MMS22L: variants seen among roughly 807,000 people sequenced by gnomAD.
MMS22L encodes the protein protein MMS22-like.
MMS22L carries 74 observed loss-of-function variants against 159.1 expected under a neutral mutation model. The ratio of observed to expected loss-of-function variants is 0.47; its 90% CI spans 0.39 to 0.56. The LOEUF is 0.56. Ranked by LOEUF, MMS22L falls within the 20% of genes least tolerant of loss-of-function variation. MMS22L has a pLI of 0.00. For missense variants in MMS22L, 1,351 were observed against 1,422.1 expected (o/e 0.95, Z 0.80); for synonymous variants, 517 against 506.9 (o/e 1.02, Z -0.27).
chr6:97,175,580 TA>T (rs1463912434), intron 18 of MMS22L, among the ~76,000 whole-genome samples: 1 of 152,154 alleles, frequency 6.6e-6, no homozygotes, highest in African/African-American at 2.4e-5. Context: ...GAATGCTTTT[TA>T]AAAAGCCTAT....
intron 12 of MMS22L, among the ~76,000 whole-genome samples, chr6:97,232,368 G>T (rs971835209): frequency 4.6e-5 from 7 of 151,884 alleles, no homozygotes; most frequent in Admixed American, 6.6e-5. Context: ...ATTCTATCAC[G>T]TTTTCTTAAT....
intron 4 of MMS22L, 75 bp downstream of exon 4, chr6:97,278,774 A>T: frequency 8.6e-7 from 1 of 1,163,856 alleles, no homozygotes; most frequent in Admixed American, 2.1e-5. Flanking sequence ...TGCCAATTAT[A>T]CCATCATGGA....
intron 8 of MMS22L, 48 bp downstream of exon 8, chr6:97,267,824 C>G: frequency 6.7e-7 from 1 of 1,497,604 alleles, no homozygotes; most frequent in Non-Finnish European, 8.9e-7. Context: ...GCATTAAGGA[C>G]TGAATACTGT....
intron 14 of MMS22L, among the ~76,000 whole-genome samples, chr6:97,200,208 GAAT>G (rs981286655): frequency 4.6e-4 from 70 of 152,152 alleles, no homozygotes; most frequent in African/African-American, 1.7e-3. Context: ...AGCTCGTTTA[GAAT>G]AATATCATAT....
At chr6:97,215,696 A>G (rs1808934625) in intron 14 of MMS22L, among the ~76,000 whole-genome samples, 1 of 152,118 alleles carries the variant, frequency 6.6e-6, no homozygotes, top group Non-Finnish European at 1.5e-5. Flanking sequence ...AAAATCATTC[A>G]TCTTCCACCC....
chr6:97,241,639 G>A (rs1392355059), intron 11 of MMS22L, among the ~76,000 whole-genome samples: 1 of 152,024 alleles, frequency 6.6e-6, no homozygotes, highest in Non-Finnish European at 1.5e-5. Context: ...CCCACTTATG[G>A]ATGGGATTTG....
chr6:97,220,511 A>G (rs1809516274), intron 14 of MMS22L, among the ~76,000 whole-genome samples: 3 of 152,188 alleles, frequency 2.0e-5, no homozygotes, highest in African/African-American at 7.2e-5. Context: ...TTATATGTCA[A>G]TAAAGCCATT....
At chr6:97,157,678 C>A (rs911202827) in intron 22 of MMS22L, among the ~76,000 whole-genome samples, 1 of 152,150 alleles carries the variant, frequency 6.6e-6, no homozygotes, top group Non-Finnish European at 1.5e-5. Flanking sequence ...CCGACTTGAT[C>A]GTGGTGGATA....
intron 2 of MMS22L, among the ~76,000 whole-genome samples, chr6:97,281,770 G>C (rs1350273040): frequency 6.6e-6 from 1 of 152,130 alleles, no homozygotes; most frequent in Non-Finnish European, 1.5e-5. Flanking sequence ...TTTCTAACAA[G>C]GTACAACTAT....
chr6:97,168,191 T>G lies in MMS22L; in HGVS notation c.2889A>C (p.Gln963His). 1 of 1,613,192 alleles carries G rather than the reference T, an allele frequency of 6.2e-7. No individual in the cohort carries two copies. The highest frequency in any genetic ancestry group is 8.5e-7 in the Non-Finnish European group (1 of 1,179,416). ...AATCTATGATCCGGAATAGTAATTTTTGGGCTTTAGAAGTGGCAAAGATTT... is the reference window on the plus strand; with the variant it reads ...AATCTATGATCCGGAATAGTAATTTGTGGGCTTTAGAAGTGGCAAAGATTT... ...WAQIFATSKA[Q>H]KLLFRIIDCL... Residue 963 changes from glutamine to histidine, a missense_variant, in exon 20 of 25, where the codon CAA becomes CAC. Gln to His is a conservative substitution (Grantham distance 24). Coordinates refer to ENST00000683635, the MANE Select transcript of MMS22L (RefSeq NM_001350599.2).
chr6:97,249,725 A>ATTTTT (rs66525517), intron 10 of MMS22L, among the ~76,000 whole-genome samples: 1 of 130,386 alleles, frequency 7.7e-6, no homozygotes, highest in African/African-American at 2.9e-5. Flanking sequence ...CCAATAACCA[A>ATTTTT]TTTTTTTTTT....
At chr6:97,231,169 A>C (rs1810822336) in intron 13 of MMS22L, 1 of 390,394 alleles carries the variant, frequency 2.6e-6, no homozygotes, top group African/African-American at 2.0e-5. Flanking sequence ...AAAAAACAAA[A>C]CAAACCAAAA....
Position 97,282,438 on chromosome 6 carries a change from TGTCA to T in MMS22L, c.36_39del (p.Asp13AlafsTer2), listed in dbSNP as rs765563049. On this transcript the variant is annotated frameshift_variant, in exon 2 of 25. Coordinates refer to ENST00000683635, the MANE Select transcript of MMS22L (RefSeq NM_001350599.2). LOFTEE classifies it high-confidence loss of function. ...TCCGTCCCCAGCTCCAGCTCTAAGC[TGTCA>T]GTCAGGAACGTCGATGCAGCAGAAC... The T allele has an allele frequency of 6.2e-7, 1 of 1,613,968 alleles. No homozygotes were observed. The highest frequency in any genetic ancestry group is 1.1e-5 in the South Asian group (1 of 91,074).
chr6:97,177,574 T>C (rs780316118), intron 18 of MMS22L, among the ~76,000 whole-genome samples: 1 of 152,176 alleles, frequency 6.6e-6, no homozygotes, highest in Admixed American at 6.5e-5. Context: ...TTATAGCTCC[T>C]AGCACACCAC....
At chr6:97,199,521 C>A (rs1028294930) in intron 14 of MMS22L, among the ~76,000 whole-genome samples, 9 of 152,054 alleles carry the variant, frequency 5.9e-5, no homozygotes, top group African/African-American at 9.7e-5. Flanking sequence ...ATAGCTAATG[C>A]ACTGGAAAAG....
chr6:97,267,428 C>T (rs948077230), intron 8 of MMS22L: 1 of 151,758 alleles, frequency 6.6e-6, no homozygotes, highest in Non-Finnish European at 1.5e-5. Flanking sequence ...TACCCAGATT[C>T]GAGACCTTTT....
intron 24 of MMS22L, 90 bp downstream of exon 24, chr6:97,149,763 G>T: frequency 7.7e-7 from 1 of 1,293,640 alleles, no homozygotes; most frequent in Non-Finnish European, 1.0e-6. Flanking sequence ...CCCAAATTTT[G>T]GGGAATAAGA....
chr6:97,245,561 C>CA (rs544680305), intron 11 of MMS22L, among the ~76,000 whole-genome samples: 101 of 151,282 alleles, frequency 6.7e-4, no homozygotes, highest in African/African-American at 1.8e-3. Flanking sequence ...AATATGTTCT[C>CA]AAAAAAAATG....
At chr6:97,153,666 T>TA (rs1195281695) in intron 22 of MMS22L, among the ~76,000 whole-genome samples, 2 of 152,278 alleles carry the variant, frequency 1.3e-5, no homozygotes, top group East Asian at 3.9e-4. Context: ...CCACCATGCC[T>TA]AGACCTGTCT....
Sources: allele counts gnomAD v4.1 joint callset (sites outside exome capture counted in the v4.1 genomes callset), GRCh38; gene constraint gnomAD v4.1.1; transcripts MANE v1.5; gene names NCBI Gene and HGNC (gene_info 2026-07-23, HGNC 2026-07-21).